Variants in DLG2 observed in about 807,000 individuals in gnomAD.
DLG2 encodes the protein disks large homolog 2.
A neutral mutation model predicts 132.5 loss-of-function variants in DLG2; 45 were observed. That is an observed-to-expected ratio of 0.34 (90% CI 0.27 to 0.44). The LOEUF (loss-of-function observed/expected upper bound fraction) is 0.44, where lower values mean the gene tolerates loss of function less well. Ranked by LOEUF, DLG2 falls within the 20% of genes least tolerant of loss-of-function variation. DLG2 has a pLI of 1.00. For missense variants in DLG2, 1,045 were observed against 1,196.9 expected, an observed-to-expected ratio of 0.87 and a Z score of 1.87; for synonymous variants, 424 against 419.6, an observed-to-expected ratio of 1.01 and a Z score of -0.13.
At position 85,042,557 on chromosome 11, in the gene DLG2, C is replaced by G. The variant is rs138609904; in HGVS notation, c.357+69104G>C. Among the ~76,000 whole-genome samples, 324 of 152,018 alleles carry G rather than the reference C, an allele frequency of 2.1e-3. 3 individuals carry two copies. The highest frequency in any genetic ancestry group is 6.8e-3 in the Middle Eastern group (2 of 294). The stretch of plus-strand genomic sequence containing the variant: ...CTCTCTGACAAATGACCTAGTCTAA[C>G]AGAGTGGAAGTTGACAAAGGATTAA... On this transcript the variant is annotated intron_variant, in intron 6 of 27. Transcript: ENST00000376104.
chr11:84,544,532 C>G (rs1456915233), intron 6 of DLG2, among the ~76,000 whole-genome samples: 1 of 152,138 alleles, frequency 6.6e-6, no homozygotes, highest in Non-Finnish European at 1.5e-5. Flanking sequence ...CCAAAATAGT[C>G]CTCTGATTCC....
At chr11:85,309,822 G>A (rs2080200542) in intron 3 of DLG2, among the ~76,000 whole-genome samples, 1 of 152,120 alleles carries the variant, frequency 6.6e-6, no homozygotes, top group South Asian at 2.1e-4. Context: ...TGCAGGCTGA[G>A]TCTGGTGCCC....
At chr11:83,466,852 T>C (rs1191024444) in intron 25 of DLG2, 35 bp from the exon 26 acceptor site, 2 of 1,419,376 alleles carry the variant, frequency 1.4e-6, no homozygotes, top group Admixed American at 1.7e-5. Context: ...GAAGTTAATA[T>C]AGGAAGCATG....
chr11:83,588,229 T>C (rs1267751422), intron 19 of DLG2, among the ~76,000 whole-genome samples: 1 of 151,224 alleles, frequency 6.6e-6, no homozygotes, highest in African/African-American at 2.4e-5. Flanking sequence ...GACTTAAATG[T>C]CCCTGTCTGA....
chr11:85,552,509 C>G (rs770627881), intron 3 of DLG2, among the ~76,000 whole-genome samples: 19 of 150,894 alleles, frequency 1.3e-4, no homozygotes, highest in Non-Finnish European at 1.8e-4. Context: ...ATAAAACAAT[C>G]TGATATTTTT....
chr11:84,082,465 C>CT (rs1178600851), intron 10 of DLG2, among the ~76,000 whole-genome samples: 1 of 152,156 alleles, frequency 6.6e-6, no homozygotes, highest in Non-Finnish European at 1.5e-5. Flanking sequence ...ATTACTTAAT[C>CT]TTTTTCACTA....
intron 17 of DLG2, among the ~76,000 whole-genome samples, chr11:83,798,392 G>T (rs2043409091): frequency 6.6e-6 from 1 of 152,182 alleles, no homozygotes; most frequent in African/African-American, 2.4e-5. Flanking sequence ...TTACTAAATA[G>T]TTGCTATGTG....
chr11:84,720,530 G>T, intron 6 of DLG2: 3 of 979,224 alleles, frequency 3.1e-6, no homozygotes, highest in Non-Finnish European at 3.6e-6. Flanking sequence ...CCATCCCGGA[G>T]CCCCGGTGGA....
chr11:84,735,122 T>C (rs2063662146), intron 6 of DLG2, among the ~76,000 whole-genome samples: 1 of 152,082 alleles, frequency 6.6e-6, no homozygotes, highest in African/African-American at 2.4e-5. Context: ...GTCTCTGCCA[T>C]GCTTTGGTAT....
At chr11:83,942,741 T>C (rs2082943917) in intron 14 of DLG2, among the ~76,000 whole-genome samples, 1 of 152,242 alleles carries the variant, frequency 6.6e-6, no homozygotes, top group Non-Finnish European at 1.5e-5. Context: ...TAAATTAATT[T>C]TTTAAAAATA....
chr11:84,467,296 C>T (rs2099097076), intron 7 of DLG2, among the ~76,000 whole-genome samples: 1 of 151,342 alleles, frequency 6.6e-6, no homozygotes, highest in East Asian at 1.9e-4. Context: ...TTGATTTTTA[C>T]ACCAACTTCT....
chr11:84,732,160 T>C (rs1343684975), intron 6 of DLG2, among the ~76,000 whole-genome samples: 1 of 152,108 alleles, frequency 6.6e-6, no homozygotes, highest in Non-Finnish European at 1.5e-5. Flanking sequence ...TGTAAAGATA[T>C]ATTACATAAT....
chr11:83,695,013 G>A lies in DLG2; in HGVS notation c.1826-61688C>T, dbSNP rs987751110. ...TGATACATTATCCCATGGTTGCTACGAAATATTTGTTCACCACCTATAAAA... is the reference window on the plus strand; with the variant it reads ...TGATACATTATCCCATGGTTGCTACAAAATATTTGTTCACCACCTATAAAA... On this transcript the variant is annotated intron_variant, in intron 18 of 27. Coordinates refer to ENST00000376104, the MANE Select transcript of DLG2 (RefSeq NM_001142699.3). Among the ~76,000 whole-genome samples the A allele has an allele frequency of 5.9e-5, 9 of 152,314 alleles. No homozygotes were observed. The East Asian group carries it at 7.7e-4, about 13-fold the overall frequency.
At chr11:83,791,068 C>CGCCATTCA in intron 17 of DLG2, 1 of 705,522 alleles carries the variant, frequency 1.4e-6, no homozygotes, top group African/African-American at 1.8e-5. Flanking sequence ...TCCTTTCGGA[C>CGCCATTCA]GCCATTCAGG....
At chr11:84,316,154 C>T (rs963698499) in intron 7 of DLG2, among the ~76,000 whole-genome samples, 2 of 152,176 alleles carry the variant, frequency 1.3e-5, no homozygotes, top group African/African-American at 4.8e-5. Context: ...ATCTGCACAT[C>T]TGCTTTAGAA....
intron 6 of DLG2, among the ~76,000 whole-genome samples, chr11:84,841,399 T>C (rs1378519037): frequency 1.3e-5 from 2 of 152,030 alleles, no homozygotes; most frequent in South Asian, 4.1e-4. Flanking sequence ...CATGTTTCTA[T>C]ATATGCTTGC....
intron 6 of DLG2, among the ~76,000 whole-genome samples, chr11:84,945,972 C>T (rs1051356034): frequency 1.3e-5 from 2 of 151,796 alleles, no homozygotes; most frequent in Admixed American, 6.6e-5. Flanking sequence ...GAAGGAGCTT[C>T]GCCCTGTGGC....
At chr11:84,359,169 T>C (rs1455384640) in intron 7 of DLG2, among the ~76,000 whole-genome samples, 1 of 151,922 alleles carries the variant, frequency 6.6e-6, no homozygotes, top group African/African-American at 2.4e-5. Flanking sequence ...TTTAAACATA[T>C]TCTTTTTCTG....
At chr11:84,560,423 C>T (rs1293314212) in intron 6 of DLG2, among the ~76,000 whole-genome samples, 1 of 152,076 alleles carries the variant, frequency 6.6e-6, no homozygotes, top group Non-Finnish European at 1.5e-5. Context: ...CTGGCAGGCA[C>T]TTTTATCATC....
Sources: allele counts gnomAD v4.1 joint callset (sites outside exome capture counted in the v4.1 genomes callset), GRCh38; gene constraint gnomAD v4.1.1; transcripts MANE v1.5; gene names NCBI Gene and HGNC (gene_info 2026-07-23, HGNC 2026-07-21).